MYO9A: variants seen among roughly 807,000 people sequenced by gnomAD.
MYO9A encodes myosin IXA, also known as unconventional myosin-IXa.
MYO9A carries 103 observed loss-of-function variants against 293.3 expected under a neutral mutation model. That is an observed-to-expected ratio of 0.35 (90% confidence interval 0.30 to 0.41). The LOEUF is 0.41. MYO9A is among the 10% of genes least tolerant of loss of function. The pLI is 1.00. For missense variants in MYO9A, 2,685 were observed against 3,033.0 expected (o/e 0.89, Z 2.69); for synonymous variants, 1,001 against 1,035.7 (o/e 0.97, Z 0.64).
intron 39 of MYO9A, among the ~76,000 whole-genome samples, chr15:71,843,552 T>C (rs987846430): frequency 6.6e-6 from 1 of 152,210 alleles, no homozygotes; most frequent in Non-Finnish European, 1.5e-5. Flanking sequence ...GCAGTGGTGC[T>C]ATGTTGGCTC....
At chr15:71,953,324 G>A (rs931683473) in intron 14 of MYO9A, among the ~76,000 whole-genome samples, 2 of 152,156 alleles carry the variant, frequency 1.3e-5, no homozygotes, top group African/African-American at 4.8e-5. Context: ...AGCTGAAGGG[G>A]ACCAGTTGAG....
intron 1 of MYO9A, 114 bp downstream of exon 1, chr15:72,117,566 C>T: frequency 2.7e-6 from 1 of 375,338 alleles, no homozygotes; most frequent in East Asian, 3.8e-5. Flanking sequence ...CAGACCCGCT[C>T]GCGGGGCGTC....
chr15:71,984,482 T>G, intron 11 of MYO9A, among the ~76,000 whole-genome samples: 1 of 152,220 alleles, frequency 6.6e-6, no homozygotes, highest in East Asian at 1.9e-4. Flanking sequence ...TTTTTTTGTT[T>G]TGACAGTTTT....
rs577235275 is a variant in MYO9A, at chr15:72,036,294, G to C, written c.841-3706C>G. 1.4e-4 allele frequency among the ~76,000 whole-genome samples: 21 copies of C among 152,200 alleles called. No individual in the cohort carries two copies. In the South Asian group the frequency reaches 4.4e-3, roughly 32 times the overall value. On this transcript the variant is annotated intron_variant, in intron 2 of 41. Transcript: ENST00000356056. Reference sequence around the variant, plus strand: ...GAAAAGATCATTGAGAGTGAGATTAGCAAAAATGGCAGAGTAAGGACCTCT... The same window carrying C: ...GAAAAGATCATTGAGAGTGAGATTACCAAAAATGGCAGAGTAAGGACCTCT...
At chr15:71,836,244 G>A (rs1484628753) in intron 39 of MYO9A, among the ~76,000 whole-genome samples, 2 of 151,782 alleles carry the variant, frequency 1.3e-5, no homozygotes, top group Admixed American at 6.6e-5. Flanking sequence ...TCACAAAAGA[G>A]GATACAGAAA....
chr15:71,923,028 T>C (rs1217322329), intron 18 of MYO9A, among the ~76,000 whole-genome samples: 1 of 152,282 alleles, frequency 6.6e-6, no homozygotes, highest in African/African-American at 2.4e-5. Flanking sequence ...GTCTGTCATG[T>C]GGTCTTTATT....
chr15:72,078,139 C>T (rs2079429056), intron 1 of MYO9A, among the ~76,000 whole-genome samples: 1 of 152,128 alleles, frequency 6.6e-6, no homozygotes, highest in Admixed American at 6.6e-5. Flanking sequence ...ACTAAACATA[C>T]TTTTGCCATA....
At chr15:71,867,813 C>T (rs974583087) in intron 32 of MYO9A, among the ~76,000 whole-genome samples, 41 of 143,240 alleles carry the variant, frequency 2.9e-4, no homozygotes, top group Non-Finnish European at 5.9e-4. Context: ...CACACACACA[C>T]ACACACACAC....
At chr15:72,096,629 T>C (rs2080073065) in intron 1 of MYO9A, among the ~76,000 whole-genome samples, 1 of 152,244 alleles carries the variant, frequency 6.6e-6, no homozygotes, top group African/African-American at 2.4e-5. Flanking sequence ...TAATTTTAAC[T>C]TTCAAGTCTT....
At chr15:71,947,844 A>T (rs1253409316) in intron 15 of MYO9A, among the ~76,000 whole-genome samples, 1 of 152,186 alleles carries the variant, frequency 6.6e-6, no homozygotes, top group Non-Finnish European at 1.5e-5. Context: ...GGTTCAAATT[A>T]AAGTTAGATT....
rs535227455 is a variant in MYO9A, at chr15:72,105,656, T to G, written c.-72+12024A>C. 3.5e-3 allele frequency among the ~76,000 whole-genome samples: 525 copies of G among 152,010 alleles called. 3 individuals are homozygous for G. The highest frequency in any genetic ancestry group is 0.011 in the African/African-American group (471 of 41,464). On this transcript the variant is annotated intron_variant, in intron 1 of 41. Coordinates refer to ENST00000356056, the MANE Select transcript of MYO9A (RefSeq NM_006901.4). ...CCTAGTAGCTGGGATTACAGGCATG[T>G]GCCACCACGCCCAGCTAATTTTGTA...
In MYO9A at chr15:72,019,025, G is replaced by T. The variant is rs1014730814; in HGVS notation, c.1155+14C>A. ...TTTGACAGAAACACAGAATATTTAG[G>T]TACTTGTACTGACCGGCTCAGAGTC... is the stretch of plus-strand genomic sequence containing the variant. On this transcript the variant is annotated intron_variant, in intron 6 of 41. Coordinates refer to ENST00000356056, the MANE Select transcript of MYO9A (RefSeq NM_006901.4). The T allele has an allele frequency of 6.2e-7, 1 of 1,609,678 alleles. No homozygotes were observed. Among genetic ancestry groups the T allele is most frequent in the South Asian group, 1.1e-5 (1 of 90,916 alleles).
chr15:71,945,675 T>C (rs1347695753), intron 15 of MYO9A, among the ~76,000 whole-genome samples: 3 of 152,114 alleles, frequency 2.0e-5, no homozygotes, highest in East Asian at 3.9e-4. Flanking sequence ...CCTTCACACT[T>C]CCTATATTAA....
chr15:72,118,167 C>A (rs966715838), upstream of MYO9A: 1 of 369,980 alleles, frequency 2.7e-6, no homozygotes. Context: ...CTCCCACGCC[C>A]CCTACTGCCA....
intron 19 of MYO9A, among the ~76,000 whole-genome samples, chr15:71,914,861 T>C (rs775608113): frequency 6.6e-6 from 1 of 152,308 alleles, no homozygotes; most frequent in Non-Finnish European, 1.5e-5. Flanking sequence ...GTTTTTATTG[T>C]ACTAGCTATA....
rs1431311579 is a variant in MYO9A at position 71,828,085 on chromosome 15, G to A, written c.7041-59C>T. The A allele has an allele frequency of 1.4e-5, 21 of 1,535,664 alleles. No individual in the cohort carries two copies. The Admixed American group carries it at 1.9e-4, about 14-fold the overall frequency. On this transcript the variant is annotated intron_variant, in intron 40 of 41. Transcript: ENST00000356056. ...GATAGGAAGTGGAAGGAAGATAACA[G>A]AAAAAAAGATCCTCCATGGAAGTCA...
At chr15:71,902,059 C>T (rs1017460775) in intron 22 of MYO9A, among the ~76,000 whole-genome samples, 2 of 151,950 alleles carry the variant, frequency 1.3e-5, no homozygotes, top group African/African-American at 2.4e-5. Flanking sequence ...AGGAATTATA[C>T]CTCTCATTTG....
chr15:71,862,553 C>T lies in MYO9A; in HGVS notation c.6038G>A (p.Cys2013Tyr). Residue 2013 changes from cysteine to tyrosine, a missense_variant, in exon 33 of 42, where the codon TGT becomes TAT. Physicochemically the swap from Cys to Tyr is radical, Grantham distance 194. This residue lies in a region of MYO9A where 14 missense variants were observed against 38.0 expected (regional missense o/e 0.37). Transcript: ENST00000356056. ...KATQYSIPTYCEYCSSLIWIM... is the reference protein window; with the variant it reads ...KATQYSIPTYYEYCSSLIWIM... The stretch of plus-strand genomic sequence containing the variant: ...CCATATCAAAGAAGAACAGTATTCA[C>T]AGTATGTAGGGATGCTATATTGGGT... The T allele has an allele frequency of 1.2e-6, 2 of 1,613,456 alleles. No homozygotes were observed.
At chr15:72,059,840 A>AT (rs1269166217) in intron 1 of MYO9A, among the ~76,000 whole-genome samples, 1 of 152,188 alleles carries the variant, frequency 6.6e-6, no homozygotes, top group Non-Finnish European at 1.5e-5. Flanking sequence ...CTCAGCGCTT[A>AT]TTTTTTTAAA....
Sources: allele counts gnomAD v4.1 joint callset (sites outside exome capture counted in the v4.1 genomes callset), GRCh38; gene constraint gnomAD v4.1.1; regional missense constraint gnomAD v4.1.1; transcripts MANE v1.5; gene names NCBI Gene and HGNC (gene_info 2026-07-23, HGNC 2026-07-21).